The following CREBBP variants were observed in gnomAD, a reference collection of about 807,000 sequenced individuals.
The protein encoded by CREBBP is CREB binding lysine acetyltransferase.
CREBBP carries 19 observed loss-of-function variants against 265.0 expected under a neutral mutation model. The observed-to-expected ratio is 0.07, with a 90% CI of 0.05 to 0.11. CREBBP has a LOEUF of 0.11. Among genes scored for constraint, CREBBP ranks in the 10% least tolerant of loss-of-function variants. CREBBP has a pLI of 1.00. For missense variants in CREBBP, 2,525 were observed against 3,219.0 expected, an observed-to-expected ratio of 0.78 and a Z score of 5.22; for synonymous variants, 1,457 against 1,223.7, an observed-to-expected ratio of 1.19 and a Z score of -3.98.
Position 3,770,587 on chromosome 16 carries a change from G to A in CREBBP, c.2863C>T (p.Gln955Ter), listed in dbSNP as rs2141198604. 1 of 1,613,420 alleles carries A rather than the reference G, an allele frequency of 6.2e-7. No individual in the cohort carries two copies. Among genetic ancestry groups the A allele is most frequent in the Non-Finnish European group, 8.5e-7 (1 of 1,180,012 alleles). ...SQQQPTPVHA[Q>*]PPGTPLSQAA... ...AGGCTTACCGGTGTGCCAGGAGGCT[G>A]GGCGTGCACAGGCGTCGGCTGTTGC... is the stretch of plus-strand genomic sequence containing the variant. The change falls in exon 14 of 31, where the codon CAG (glutamine) becomes TAG (stop). Residue 955 changes from glutamine (Q) to a stop codon, truncating the protein, a stop_gained. Coordinates refer to ENST00000262367, the MANE Select transcript of CREBBP (RefSeq NM_004380.3). LOFTEE classifies it high-confidence loss of function.
intron 1 of CREBBP, 119 bp from the exon 2 acceptor site, chr16:3,851,128 G>C (rs2054825058): frequency 9.5e-6 from 8 of 840,594 alleles, no homozygotes; most frequent in Non-Finnish European, 1.6e-5. Flanking sequence ...CATGTCTTAA[G>C]AGTCATGTCA....
intron 5 of CREBBP, 60 bp from the exon 6 acceptor site, chr16:3,782,986 C>T (rs2053308773): frequency 5.6e-6 from 9 of 1,606,850 alleles, no homozygotes; most frequent in Middle Eastern, 1.6e-4. Flanking sequence ...GAGAAGCCCA[C>T]GAATGATTTA....
chr16:3,755,314 G>A (rs574883534), intron 19 of CREBBP, among the ~76,000 whole-genome samples: 19 of 152,242 alleles, frequency 1.2e-4, no homozygotes, highest in African/African-American at 3.6e-4. Context: ...GGGTACCAAC[G>A]GACCCAGGAA....
At chr16:3,798,025 C>T (rs973583455) in intron 3 of CREBBP, among the ~76,000 whole-genome samples, 3 of 152,034 alleles carry the variant, frequency 2.0e-5, no homozygotes, top group African/African-American at 7.2e-5. Flanking sequence ...CACAAAGAAA[C>T]GACAAATACA....
intron 1 of CREBBP, among the ~76,000 whole-genome samples, chr16:3,872,379 G>A (rs1032341940): frequency 5.9e-5 from 9 of 152,084 alleles, no homozygotes; most frequent in African/African-American, 1.7e-4. Flanking sequence ...AGGACGCCCC[G>A]GGGACTCTGC....
At chr16:3,801,480 C>T (rs2053711066) in intron 3 of CREBBP, among the ~76,000 whole-genome samples, 1 of 152,106 alleles carries the variant, frequency 6.6e-6, no homozygotes, top group African/African-American at 2.4e-5. Context: ...ACCAGCCTAA[C>T]TAACATGGTG....
chr16:3,770,463 T>C, intron 14 of CREBBP, 107 bp downstream of exon 14: 1 of 1,296,056 alleles, frequency 7.7e-7, no homozygotes, highest in Non-Finnish European at 1.1e-6. Context: ...CCCAAGGTGC[T>C]GAAATTATAG....
intron 16 of CREBBP, among the ~76,000 whole-genome samples, chr16:3,762,823 G>A (rs1042369772): frequency 2.0e-5 from 3 of 150,722 alleles, no homozygotes; most frequent in African/African-American, 7.3e-5. Flanking sequence ...CGCCCAGGCT[G>A]GAGTGCAGTG....
chr16:3,872,586 T>C (rs563554334), intron 1 of CREBBP, among the ~76,000 whole-genome samples: 4 of 152,280 alleles, frequency 2.6e-5, no homozygotes, highest in African/African-American at 7.2e-5. Flanking sequence ...GCAAGGAGTG[T>C]ATCCGGAGGG....
intron 14 of CREBBP, 133 bp from the exon 15 acceptor site, chr16:3,769,486 A>T: frequency 9.1e-7 from 1 of 1,104,276 alleles, no homozygotes; most frequent in Non-Finnish European, 1.3e-6. Flanking sequence ...CTTCTGTGAA[A>T]CCGAAGAACA....
At chr16:3,776,539 G>C (rs1013664557) in intron 11 of CREBBP, among the ~76,000 whole-genome samples, 6 of 152,080 alleles carry the variant, frequency 3.9e-5, no homozygotes, top group Non-Finnish European at 7.4e-5. Context: ...TAACCCCTAG[G>C]GCCAAGAGCA....
In CREBBP at chr16:3,792,228, C is replaced by T. The variant is rs894594569; in HGVS notation, c.1217-134G>A. On this transcript the variant is annotated intron_variant, in intron 4 of 30. Transcript: ENST00000262367. ...ACCATAACACAGTATAGGCAGTCCT[C>T]AACTTACAAACAGGCTGTTTTCCAA... The T allele has an allele frequency of 2.4e-5, 19 of 807,506 alleles. No individual in the cohort carries two copies. The African/African-American group carries it at 2.7e-4, about 12-fold the overall frequency. 50.0% of individuals were successfully genotyped at this position (807,506 alleles called of 1,614,324 possible). A position where few individuals can be genotyped will look rare whatever the true frequency, so the allele number is the denominator to read the frequency against.
intron 2 of CREBBP, among the ~76,000 whole-genome samples, chr16:3,849,411 GTGTGTGTGTGTGTGTGTGTGTGTGT>G (rs2054739862): frequency 1.7e-4 from 1 of 5,738 alleles, no homozygotes; most frequent in Non-Finnish European, 2.7e-3. Flanking sequence ...GTGTGTGTGT[GTGTGTGTGTGTGTGTGTGTGTGTGT>G]GTGTGTGTGT....
intron 2 of CREBBP, among the ~76,000 whole-genome samples, chr16:3,818,754 G>A (rs939869011): frequency 6.6e-6 from 1 of 152,166 alleles, no homozygotes; most frequent in African/African-American, 2.4e-5. Flanking sequence ...GTGGGCTTTG[G>A]GGGGTGTCAC....
At chr16:3,734,300 G>A (rs1403372938) in intron 28 of CREBBP, among the ~76,000 whole-genome samples, 2 of 152,100 alleles carry the variant, frequency 1.3e-5, no homozygotes, top group Non-Finnish European at 2.9e-5. Flanking sequence ...TGTTGCTGAC[G>A]AAGGCATGTC....
chr16:3,779,944 TCAA>T (rs749617612), intron 8 of CREBBP, among the ~76,000 whole-genome samples: 15 of 151,240 alleles, frequency 9.9e-5, no homozygotes, highest in African/African-American at 2.2e-4. Flanking sequence ...TCTCTCTCTC[TCAA>T]CAACAACAAC....
At chr16:3,771,259 G>A (rs1048241317) in intron 13 of CREBBP, among the ~76,000 whole-genome samples, 6 of 151,970 alleles carry the variant, frequency 3.9e-5, no homozygotes, top group East Asian at 1.9e-4. Context: ...AGTAGAGATC[G>A]GGTTTTGCCA....
chr16:3,769,112 C>T (rs2141189273), intron 15 of CREBBP, 62 bp downstream of exon 15: 1 of 1,597,160 alleles, frequency 6.3e-7, no homozygotes. Flanking sequence ...CAAGCCTCGC[C>T]CGAGGACACC....
chr16:3,871,687 G>A (rs1301266055), intron 1 of CREBBP, among the ~76,000 whole-genome samples: 2 of 152,180 alleles, frequency 1.3e-5, no homozygotes, highest in Non-Finnish European at 2.9e-5. Context: ...TTTAGGTGGT[G>A]CAGTTTTAAT....
Sources: allele counts gnomAD v4.1 joint callset (sites outside exome capture counted in the v4.1 genomes callset), GRCh38; gene constraint gnomAD v4.1.1; transcripts MANE v1.5; gene names NCBI Gene and HGNC (gene_info 2026-07-23, HGNC 2026-07-21).